The following ZNF516 variants were observed in gnomAD, a reference collection of about 807,000 sequenced individuals.
ZNF516 encodes zinc finger protein 516.
ZNF516 carries 19 observed loss-of-function variants against 79.7 expected under a neutral mutation model. That is an observed-to-expected ratio of 0.24 (90% CI 0.17 to 0.35). ZNF516 has a LOEUF of 0.35. ZNF516 is among the 10% of genes least tolerant of loss of function. The pLI is 1.00. For synonymous variants in ZNF516, 877 were observed against 739.5 expected, an observed-to-expected ratio of 1.19 and a Z score of -3.02; for missense variants, 1,678 against 1,679.5, an observed-to-expected ratio of 1.00 and a Z score of 0.02.
rs2145534419 is a variant in ZNF516 at position 76,441,227 on chromosome 18, C to G, written c.1810+18G>C. On this transcript the variant is annotated intron_variant, in intron 3 of 6. Coordinates refer to ENST00000443185, the MANE Select transcript of ZNF516 (RefSeq NM_014643.4). ...CCTGGGATCCCAGGACCCAGGCCAC[C>G]TGGGTACACTTGCTCACCTGGTGCA... The G allele has an allele frequency of 6.2e-7, 1 of 1,603,708 alleles. No homozygotes were observed. The highest frequency in any genetic ancestry group is 2.2e-5 in the East Asian group (1 of 44,708).
chr18:76,367,502 C>G (rs1333930725), intron 6 of ZNF516, among the ~76,000 whole-genome samples: 1 of 152,252 alleles, frequency 6.6e-6, no homozygotes, highest in East Asian at 1.9e-4. Context: ...GCCCGAGCCT[C>G]TGCCCACCCA....
At chr18:76,473,906 G>GT (rs1568322718) in intron 1 of ZNF516, among the ~76,000 whole-genome samples, 1 of 143,644 alleles carries the variant, frequency 7.0e-6, no homozygotes, top group African/African-American at 2.6e-5. Flanking sequence ...TTTTGTGTGG[G>GT]GGGGGGGGGG....
Position 76,379,718 on chromosome 18 carries a change from C to T in ZNF516, c.2396G>A (p.Gly799Asp), listed in dbSNP as rs1325253141. 2 of 1,613,852 alleles carry T rather than the reference C, an allele frequency of 1.2e-6. No individual in the cohort carries two copies. Among genetic ancestry groups the T allele is most frequent in the Admixed American group, 1.7e-5 (1 of 60,032 alleles). Reference sequence around the variant, plus strand: ...CAAATTGCTTCTGATGCTTTTGTAACCATTGGGCTGAATCCACGGGGGAGC... The same window carrying T: ...CAAATTGCTTCTGATGCTTTTGTAATCATTGGGCTGAATCCACGGGGGAGC... ...SVAPPWIQPN[G>D]YKSIRSNLVF... The change falls in exon 4 of 7, where the codon GGT (glycine) becomes GAT (aspartate). Residue 799 changes from glycine (G) to aspartate (D), a missense_variant. Gly to Asp is a moderately conservative substitution (Grantham distance 94). Coordinates refer to ENST00000443185, the MANE Select transcript of ZNF516 (RefSeq NM_014643.4).
At chr18:76,432,872 G>A (rs1442194255) in intron 3 of ZNF516, among the ~76,000 whole-genome samples, 3 of 152,206 alleles carry the variant, frequency 2.0e-5, no homozygotes, top group African/African-American at 7.2e-5. Context: ...CAACAGATCA[G>A]TAACAAAGGC....
intron 1 of ZNF516, among the ~76,000 whole-genome samples, chr18:76,466,170 C>A (rs1335164135): frequency 6.6e-6 from 1 of 152,142 alleles, no homozygotes; most frequent in East Asian, 1.9e-4. Context: ...TTAATTCAGG[C>A]TCCGGGAGAG....
In ZNF516 at chr18:76,442,878, C is replaced by G. The variant is rs1466855905; in HGVS notation, c.177G>C (p.Glu59Asp). The G allele has an allele frequency of 6.2e-7, 1 of 1,613,838 alleles. No individual in the cohort carries two copies. Reference sequence around the variant, plus strand: ...CGCAGTAGGGACACTTGTAGGGCTTCTCGCCCGTGTGCTTGCGCATGTGCT... The same window carrying G: ...CGCAGTAGGGACACTTGTAGGGCTTGTCGCCCGTGTGCTTGCGCATGTGCT... ...LSQHMRKHTG[E>D]KPYKCPYCDH... The change falls in exon 3 of 7, where the codon GAG (glutamate) becomes GAC (aspartate). Residue 59 changes from glutamate to aspartate, a missense_variant. By Grantham distance (45) the Glu-to-Asp change is conservative. This residue lies in a region of ZNF516 where 26 missense variants were observed against 66.4 expected (regional missense o/e 0.39). Coordinates refer to ENST00000443185, the MANE Select transcript of ZNF516 (RefSeq NM_014643.4).
chr18:76,360,064 G>A lies in ZNF516; in HGVS notation c.*2434C>T, dbSNP rs1298566989. The stretch of plus-strand genomic sequence containing the variant: ...TCCTCCTGCACTCTGTGCACCCTGC[G>A]CGGCCCCGCAAGCTGACTGTCCTCC... On this transcript the variant is annotated 3_prime_UTR_variant, in exon 7 of 7. Coordinates refer to ENST00000443185, the MANE Select transcript of ZNF516 (RefSeq NM_014643.4). 2 of 152,170 alleles carry A rather than the reference G, an allele frequency of 1.3e-5. No individual in the cohort carries two copies. The highest frequency in any genetic ancestry group is 2.9e-5 in the Non-Finnish European group (2 of 68,092). 9.4% of individuals were successfully genotyped at this position (152,170 alleles called of 1,614,324 possible).
intron 3 of ZNF516, among the ~76,000 whole-genome samples, chr18:76,430,233 G>C (rs1171803267): frequency 1.3e-5 from 2 of 152,084 alleles, no homozygotes; most frequent in African/African-American, 4.8e-5. Flanking sequence ...GTAGAACCCA[G>C]TAATATTTCT....
intron 1 of ZNF516, among the ~76,000 whole-genome samples, chr18:76,478,928 C>T (rs1005204379): frequency 3.3e-5 from 5 of 151,990 alleles, no homozygotes; most frequent in African/African-American, 7.3e-5. Flanking sequence ...TGGTTGTGTG[C>T]GCCTGTAATC....
chr18:76,444,867 T>TA (rs1911946303), intron 2 of ZNF516, among the ~76,000 whole-genome samples: 1 of 152,132 alleles, frequency 6.6e-6, no homozygotes. Flanking sequence ...CACAGGCAAA[T>TA]ACAGCGCCAG....
At chr18:76,496,189 G>C (rs1448765212), upstream of ZNF516, 1 of 1,154,208 alleles carries the variant, frequency 8.7e-7, no homozygotes, top group Non-Finnish European at 1.1e-6. Flanking sequence ...GCGGGTCGGA[G>C]CTAGCGAGGG....
chr18:76,470,415 A>G (rs1301962626), intron 1 of ZNF516, among the ~76,000 whole-genome samples: 1 of 152,316 alleles, frequency 6.6e-6, no homozygotes, highest in East Asian at 1.9e-4. Flanking sequence ...ACTGCTTAAG[A>G]AATTCCAAGC....
Position 76,493,066 on chromosome 18 carries a change from G to C in ZNF516, c.-272+2078C>G, listed in dbSNP as rs1379127024. 1.0e-6 allele frequency: 1 copy of C among 985,280 alleles called. No homozygotes were observed. The highest frequency in any genetic ancestry group is 4.7e-5 in the South Asian group (1 of 21,282). The allele number at this position is 985,280 out of a possible 1,614,324, so 61.0% of individuals were successfully genotyped here. ...CCAGCAGAGCCGTCACTCACGCCCA[G>C]GGGGCAGGGAGACTTCGCAAAGCTG... On this transcript the variant is annotated intron_variant, in intron 1 of 6. Transcript: ENST00000443185. This position sits in a 1 kb window ranked among gnomAD's most constrained non-coding sequence, Gnocchi z 5.2.
At chr18:76,460,043 A>G (rs1420981239) in intron 2 of ZNF516, among the ~76,000 whole-genome samples, 2 of 152,266 alleles carry the variant, frequency 1.3e-5, no homozygotes, top group Admixed American at 1.3e-4. Flanking sequence ...AAGAATGCCC[A>G]GAAAACACCG....
At chr18:76,488,868 G>A (rs1914993465) in intron 1 of ZNF516, among the ~76,000 whole-genome samples, 1 of 152,168 alleles carries the variant, frequency 6.6e-6, no homozygotes. Context: ...TCTTCAGTTG[G>A]AAATCTAGTA....
intron 3 of ZNF516, chr18:76,388,250 T>C (rs1045046353): frequency 5.9e-5 from 9 of 152,352 alleles, no homozygotes; most frequent in Admixed American, 1.3e-4. Context: ...GGTACCAAGA[T>C]GGCAGGGTGT....
intron 1 of ZNF516, among the ~76,000 whole-genome samples, chr18:76,490,490 G>A (rs1265026579): frequency 2.0e-5 from 3 of 152,158 alleles, no homozygotes; most frequent in East Asian, 3.8e-4. Flanking sequence ...TAACATGCAT[G>A]CCTAGCTCTT....
rs376788444 is a variant in ZNF516 at position 76,362,486 on chromosome 18, G to T, written c.*12C>A. 6.8e-6 allele frequency: 11 copies of T among 1,612,486 alleles called. No homozygotes were observed. Among genetic ancestry groups the T allele is most frequent in the Non-Finnish European group, 8.5e-6 (10 of 1,178,862 alleles). On this transcript the variant is annotated 3_prime_UTR_variant, in exon 7 of 7. Coordinates refer to ENST00000443185, the MANE Select transcript of ZNF516 (RefSeq NM_014643.4). ...CCGTTACGGGGACCTGGGGTGCGTC[G>T]GAAACACGCCTTTAGGTTCCCTTTC...
chr18:76,407,209 C>T (rs1267665398), intron 3 of ZNF516, among the ~76,000 whole-genome samples: 6 of 152,260 alleles, frequency 3.9e-5, no homozygotes, highest in Non-Finnish European at 5.9e-5. Flanking sequence ...CAAGGAGGAT[C>T]ACTTGAGTGC....
Sources: gnomAD v4.1 joint callset for allele counts (sites outside exome capture counted in the v4.1 genomes callset) on GRCh38, gnomAD v4.1.1 for gene constraint, gnomAD v4.1.1 regional missense constraint, Gnocchi (gnomAD v3.1) non-coding constraint, MANE v1.5 for transcripts, NCBI Gene and HGNC (gene_info 2026-07-23, HGNC 2026-07-21) for gene names.